IARS1: variants seen among roughly 807,000 people sequenced by gnomAD.
IARS1 encodes isoleucine--tRNA ligase, cytoplasmic.
Under a neutral mutation model 168.2 loss-of-function variants are expected in IARS1, and 124 were observed. That is an observed-to-expected ratio of 0.74 (90% CI 0.64 to 0.86). The LOEUF is 0.86. Ranked by LOEUF, IARS1 falls within the 40% of genes least tolerant of loss-of-function variation. The pLI, the probability that IARS1 is intolerant of heterozygous loss-of-function variation, is 0.00. For missense variants in IARS1, 1,452 were observed against 1,515.8 expected (o/e 0.96, Z 0.70); for synonymous variants, 532 against 529.4 (o/e 1.00, Z -0.07).
In IARS1 at chr9:92,274,365, G is replaced by A. The variant is rs970401611; in HGVS notation, c.990+61C>T. On this transcript the variant is annotated intron_variant, in intron 10 of 33. Transcript: ENST00000443024. ...CCAACATGATGAGACACAGGACTCC[G>A]CATCTATGAAAAGTGGCTACCGACA... The A allele has an allele frequency of 2.2e-5, 27 of 1,252,402 alleles. No individual in the cohort carries two copies. In the East Asian group the frequency reaches 3.7e-4, roughly 17 times the overall value. 77.6% of individuals were successfully genotyped at this position (1,252,402 alleles called of 1,614,324 possible).
At chr9:92,270,910 T>C (rs1221906253) in intron 12 of IARS1, 75 bp downstream of exon 12, 41 of 948,628 alleles carry the variant, frequency 4.3e-5, no homozygotes, top group Non-Finnish European at 3.1e-6. Flanking sequence ...ACAAATAAGA[T>C]GGAATGGGCA....
At chr9:92,285,094 T>G (rs1357510128) in intron 6 of IARS1, among the ~76,000 whole-genome samples, 2 of 152,162 alleles carry the variant, frequency 1.3e-5, no homozygotes, top group African/African-American at 4.8e-5. Context: ...TCAACATCCT[T>G]TAAAAACAGA....
chr9:92,283,050 T>C (rs72750460), intron 6 of IARS1, among the ~76,000 whole-genome samples: 3,387 of 152,072 alleles, frequency 0.022, 54 homozygotes, highest in South Asian at 0.066. Context: ...AGATGGGGTT[T>C]TGTCATGTTG....
chr9:92,249,786 C>CT, intron 25 of IARS1, 72 bp downstream of exon 25: 1 of 753,698 alleles, frequency 1.3e-6, no homozygotes, highest in Non-Finnish European at 2.2e-6. Flanking sequence ...TCAATATGTA[C>CT]TTTGAGGATT....
intron 21 of IARS1, chr9:92,252,284 A>T (rs897125397): frequency 8.9e-6 from 4 of 450,920 alleles, no homozygotes; most frequent in Non-Finnish European, 1.7e-5. Flanking sequence ...TATAATGTGT[A>T]TTAAAAAAAA....
intron 16 of IARS1, among the ~76,000 whole-genome samples, chr9:92,264,593 T>TG (rs2133823873): frequency 6.6e-6 from 1 of 152,336 alleles, no homozygotes; most frequent in African/African-American, 2.4e-5. Flanking sequence ...CTGTCTTTTA[T>TG]GCAAATACTC....
chr9:92,250,141 A>G, intron 24 of IARS1, 46 bp downstream of exon 24: 1 of 1,243,222 alleles, frequency 8.0e-7, no homozygotes, highest in Non-Finnish European at 1.2e-6. Context: ...CAAACACTTA[A>G]TTAATTTAGG....
intron 16 of IARS1, 24 bp from the exon 17 acceptor site, chr9:92,263,079 C>A: frequency 2.0e-6 from 3 of 1,525,142 alleles, no homozygotes; most frequent in South Asian, 1.1e-5. Flanking sequence ...CCAAACAGTT[C>A]AATAAAAATA....
intron 10 of IARS1, among the ~76,000 whole-genome samples, chr9:92,274,035 T>C (rs987901987): frequency 6.6e-6 from 1 of 152,186 alleles, no homozygotes; most frequent in Non-Finnish European, 1.5e-5. Flanking sequence ...TTTAGAAAAA[T>C]TATTCTAGTC....
intron 14 of IARS1, among the ~76,000 whole-genome samples, chr9:92,266,735 G>A (rs1372463421): frequency 4.6e-5 from 7 of 151,974 alleles, no homozygotes; most frequent in Non-Finnish European, 5.9e-5. Flanking sequence ...CCACCCCACC[G>A]CCCGTTTCTT....
chr9:92,232,142 T>G (rs185537940), intron 30 of IARS1, among the ~76,000 whole-genome samples: 170 of 144,978 alleles, frequency 1.2e-3, no homozygotes, highest in African/African-American at 4.4e-3. Flanking sequence ...GCTGTAAAAG[T>G]AGCTAACAGA....
intron 6 of IARS1, among the ~76,000 whole-genome samples, chr9:92,283,177 A>G (rs1834908553): frequency 6.6e-6 from 1 of 152,242 alleles, no homozygotes; most frequent in African/African-American, 2.4e-5. Flanking sequence ...CGTAGAATAG[A>G]GGTCAGCAAA....
intron 19 of IARS1, among the ~76,000 whole-genome samples, chr9:92,257,216 T>C (rs988993635): frequency 6.6e-6 from 1 of 152,222 alleles, no homozygotes; most frequent in Non-Finnish European, 1.5e-5. Flanking sequence ...AGGCTGTTCA[T>C]TTTACCCAGA....
intron 17 of IARS1, among the ~76,000 whole-genome samples, chr9:92,262,279 T>A (rs1170642512): frequency 2.0e-5 from 3 of 152,256 alleles, no homozygotes; most frequent in Admixed American, 1.3e-4. Context: ...CAGTGGGGCC[T>A]GGCAAAAAAT....
rs79024015 is a variant in IARS1, at chr9:92,247,775, T to C, written c.2617-224A>G. Among the ~76,000 whole-genome samples the C allele has an allele frequency of 1.3e-4, 20 of 152,324 alleles. No individual in the cohort carries two copies. The East Asian group carries it at 3.7e-3, about 28-fold the overall frequency. On this transcript the variant is annotated intron_variant, in intron 25 of 33. Coordinates refer to ENST00000443024, the MANE Select transcript of IARS1 (RefSeq NM_002161.6). The stretch of plus-strand genomic sequence containing the variant: ...ATATGTGCTACAACATAAATTAATG[T>C]GAAACATTATGCTAGGTGAAACACG...
At chr9:92,290,862 CTCTT>C (rs2134014280) in intron 1 of IARS1, among the ~76,000 whole-genome samples, 1 of 152,202 alleles carries the variant, frequency 6.6e-6, no homozygotes, top group African/African-American at 2.4e-5. Flanking sequence ...GAAATCAGTT[CTCTT>C]GAAGTAACTT....
At chr9:92,265,157 T>C in intron 15 of IARS1, 34 bp from the exon 16 acceptor site, 1 of 1,561,350 alleles carries the variant, frequency 6.4e-7, no homozygotes, top group East Asian at 2.3e-5. Context: ...TTCTATTAAC[T>C]GTAAGCATAA....
intron 17 of IARS1, among the ~76,000 whole-genome samples, chr9:92,260,891 C>T (rs1831430135): frequency 1.3e-5 from 2 of 152,122 alleles, no homozygotes; most frequent in Admixed American, 1.3e-4. Context: ...CCCAGATGTC[C>T]TTCAAGAGGT....
rs41280213 is a variant in IARS1 at position 92,242,139 on chromosome 9, G to C, written c.3177+15C>G. On this transcript the variant is annotated intron_variant, in intron 29 of 33. Coordinates refer to ENST00000443024, the MANE Select transcript of IARS1 (RefSeq NM_002161.6). ...GAAACCCTTTAGTAGTAGTTCAGTGGAACTCAGGACTCACCTGTGTTTTTT... is the reference window on the plus strand; with the variant it reads ...GAAACCCTTTAGTAGTAGTTCAGTGCAACTCAGGACTCACCTGTGTTTTTT... 0.12 allele frequency: 194,723 copies of C among 1,598,850 alleles called. 13,105 individuals are homozygous for C. Among genetic ancestry groups the C allele is most frequent in the South Asian group, 0.21 (18,853 of 90,018 alleles).
Sources: gnomAD v4.1 joint callset for allele counts (sites outside exome capture counted in the v4.1 genomes callset) on GRCh38, gnomAD v4.1.1 for gene constraint, MANE v1.5 for transcripts, NCBI Gene and HGNC (gene_info 2026-07-23, HGNC 2026-07-21) for gene names.